The following PTPRM variants were observed in gnomAD, a reference collection of about 807,000 sequenced individuals.
The protein encoded by PTPRM is protein tyrosine phosphatase receptor type M.
Under a neutral mutation model 186.7 loss-of-function variants are expected in PTPRM, and 47 were observed. The ratio of observed to expected loss-of-function variants is 0.25; its 90% CI spans 0.20 to 0.32. The LOEUF (loss-of-function observed/expected upper bound fraction) is 0.32. PTPRM is among the 10% of genes least tolerant of loss of function. The pLI is 1.00. For missense variants in PTPRM, 1,494 were observed against 1,865.0 expected (o/e 0.80, Z 3.66); for synonymous variants, 668 against 674.9 (o/e 0.99, Z 0.16).
intron 7 of PTPRM, among the ~76,000 whole-genome samples, chr18:8,018,829 T>C (rs1167456372): frequency 2.0e-5 from 3 of 152,200 alleles, no homozygotes; most frequent in African/African-American, 7.2e-5. Context: ...AATAGTAGCA[T>C]GGCCTTGTGT....
chr18:8,347,816 T>C (rs559959510), intron 23 of PTPRM, among the ~76,000 whole-genome samples: 1 of 151,990 alleles, frequency 6.6e-6, no homozygotes, highest in Non-Finnish European at 1.5e-5. Context: ...AAAAAAAAAA[T>C]TTCTTCCAAA....
At chr18:8,339,893 T>G (rs561472141) in intron 22 of PTPRM, among the ~76,000 whole-genome samples, 1 of 152,194 alleles carries the variant, frequency 6.6e-6, no homozygotes, top group South Asian at 2.1e-4. Flanking sequence ...GGGAAATGAT[T>G]TGAAATATGT....
In PTPRM at chr18:8,343,440, A is replaced by G. The variant is rs1278349731; in HGVS notation, c.2974A>G (p.Ile992Val). Residue 992 changes from isoleucine to valine, a missense_variant, in exon 23 of 33, where the codon ATC (isoleucine) becomes GTC (valine). Physicochemically the swap from Ile to Val is conservative, Grantham distance 29. This residue lies in a region of PTPRM where 1,107 missense variants were observed against 1,350.2 expected (regional missense o/e 0.82). Transcript: ENST00000580170. Reference protein sequence around the residue: ...IATQGPMQETIYDFWRMVWHE... With the variant: ...IATQGPMQETVYDFWRMVWHE... ...TGCTGCAGGGCCAATGCAGGAAACCATCTATGACTTCTGGAGGATGGTGTG... is the reference window on the plus strand; with the variant it reads ...TGCTGCAGGGCCAATGCAGGAAACCGTCTATGACTTCTGGAGGATGGTGTG... 1 of 1,613,784 alleles carries G rather than the reference A, an allele frequency of 6.2e-7. No homozygotes were observed. Among genetic ancestry groups the G allele is most frequent in the Non-Finnish European group, 8.5e-7 (1 of 1,179,912 alleles).
At chr18:7,919,336 G>T (rs899173875) in intron 4 of PTPRM, among the ~76,000 whole-genome samples, 2 of 151,992 alleles carry the variant, frequency 1.3e-5, no homozygotes, top group African/African-American at 4.8e-5. Context: ...GTTAAGAATG[G>T]CATTGATATT....
At chr18:8,240,119 G>C (rs1488748757) in intron 14 of PTPRM, among the ~76,000 whole-genome samples, 2 of 152,094 alleles carry the variant, frequency 1.3e-5, no homozygotes, top group Non-Finnish European at 2.9e-5. Flanking sequence ...GTCTGAAACG[G>C]GAGGCTCAAA....
intron 18 of PTPRM, 138 bp from the exon 19 acceptor site, chr18:8,253,089 T>C (rs968506173): frequency 1.8e-6 from 1 of 568,560 alleles, no homozygotes. Flanking sequence ...ATTTAACTTT[T>C]CTTTTTTGCT....
chr18:8,180,358 A>G (rs2093556015), intron 14 of PTPRM, among the ~76,000 whole-genome samples: 1 of 152,246 alleles, frequency 6.6e-6, no homozygotes, highest in Non-Finnish European at 1.5e-5. Context: ...AATTTGACCA[A>G]GGAGCATAAG....
At chr18:7,924,723 T>G (rs1347702104) in intron 4 of PTPRM, among the ~76,000 whole-genome samples, 1 of 152,192 alleles carries the variant, frequency 6.6e-6, no homozygotes, top group Non-Finnish European at 1.5e-5. Flanking sequence ...GTGGCCGTTG[T>G]GATATGAGAA....
At chr18:8,174,496 ATATAT>A (rs2146501827) in intron 14 of PTPRM, among the ~76,000 whole-genome samples, 1 of 152,298 alleles carries the variant, frequency 6.6e-6, no homozygotes, top group South Asian at 2.1e-4. Context: ...AAGAATTGTA[ATATAT>A]TATAGTTGAT....
chr18:7,804,362 C>T (rs1249029741), intron 2 of PTPRM, among the ~76,000 whole-genome samples: 3 of 152,126 alleles, frequency 2.0e-5, no homozygotes, highest in Non-Finnish European at 4.4e-5. Flanking sequence ...GAGATGTGAT[C>T]TTGGGCAGGC....
At chr18:8,049,372 G>A (rs987933562) in intron 7 of PTPRM, 1 of 152,094 alleles carries the variant, frequency 6.6e-6, no homozygotes, top group Non-Finnish European at 1.5e-5. Context: ...AAACAGAAAA[G>A]CACAACAGAG....
At chr18:8,368,670 G>A (rs896292418) in intron 23 of PTPRM, among the ~76,000 whole-genome samples, 5 of 152,184 alleles carry the variant, frequency 3.3e-5, no homozygotes, top group Non-Finnish European at 4.4e-5. Context: ...GCTCATGGGG[G>A]AACATCAGTG....
At chr18:7,622,971 G>C (rs1466231082) in intron 1 of PTPRM, among the ~76,000 whole-genome samples, 2 of 152,026 alleles carry the variant, frequency 1.3e-5, no homozygotes, top group Non-Finnish European at 2.9e-5. Flanking sequence ...GGCATAAGAA[G>C]AAAAATCATT....
chr18:8,267,292 AT>A (rs931110189), intron 19 of PTPRM, among the ~76,000 whole-genome samples: 1 of 151,894 alleles, frequency 6.6e-6, no homozygotes. Context: ...GGTTGCTTTT[AT>A]TTTTTTTCTC....
chr18:7,797,008 T>C, intron 2 of PTPRM, among the ~76,000 whole-genome samples: 1 of 151,980 alleles, frequency 6.6e-6, no homozygotes, highest in Non-Finnish European at 1.5e-5. Flanking sequence ...CCATTGGGGG[T>C]CACCAGATAG....
chr18:7,877,817 T>C (rs2146252012), intron 2 of PTPRM, among the ~76,000 whole-genome samples: 1 of 152,276 alleles, frequency 6.6e-6, no homozygotes, highest in Non-Finnish European at 1.5e-5. Flanking sequence ...CACTGTTTGT[T>C]TTTGAGTTTA....
At position 8,168,239 on chromosome 18, in the gene PTPRM, G is replaced by T. The variant is rs1007820797; in HGVS notation, c.2300+24460G>T. Among the ~76,000 whole-genome samples, 3 of 152,274 alleles carry T rather than the reference G, an allele frequency of 2.0e-5. No individual in the cohort carries two copies. The East Asian group carries it at 5.8e-4, about 29-fold the overall frequency. ...ATTTTTACATAAATTTGACAAGGACGTATTTTCATTTTTAATCACAGCTAA... is the reference window on the plus strand; with the variant it reads ...ATTTTTACATAAATTTGACAAGGACTTATTTTCATTTTTAATCACAGCTAA... On this transcript the variant is annotated intron_variant, in intron 14 of 32. Coordinates refer to ENST00000580170, the MANE Select transcript of PTPRM (RefSeq NM_001105244.2).
intron 2 of PTPRM, chr18:7,814,586 A>T (rs1454680227): frequency 6.6e-6 from 1 of 152,202 alleles, no homozygotes; most frequent in Non-Finnish European, 1.5e-5. Context: ...GATAATAGTG[A>T]TGCTATAAAT....
At chr18:7,699,951 A>G (rs1262750550) in intron 1 of PTPRM, among the ~76,000 whole-genome samples, 1 of 152,140 alleles carries the variant, frequency 6.6e-6, no homozygotes, top group Non-Finnish European at 1.5e-5. Flanking sequence ...ATTAATTGAA[A>G]AGAGCATCCT....
Sources: allele counts gnomAD v4.1 joint callset (sites outside exome capture counted in the v4.1 genomes callset), GRCh38; gene constraint gnomAD v4.1.1; regional missense constraint gnomAD v4.1.1; transcripts MANE v1.5; gene names NCBI Gene and HGNC (gene_info 2026-07-23, HGNC 2026-07-21).